HMGXB3: variants seen among roughly 807,000 people sequenced by gnomAD.
HMGXB3 encodes HMG-box containing 3.
A neutral mutation model predicts 121.5 loss-of-function variants in HMGXB3; 45 were observed. That is an observed-to-expected ratio of 0.37 (90% CI 0.29 to 0.47). The LOEUF is 0.47. Among genes scored for constraint, HMGXB3 ranks in the 20% least tolerant of loss-of-function variants. HMGXB3 has a pLI of 0.99. For missense variants in HMGXB3, 1,376 were observed against 1,602.2 expected (o/e 0.86, Z 2.41); for synonymous variants, 590 against 624.1 (o/e 0.95, Z 0.81).
chr5:150,052,875 A>G lies in HMGXB3; in HGVS notation c.*683A>G, dbSNP rs1208505227. On this transcript the variant is annotated 3_prime_UTR_variant, in exon 20 of 20. Transcript: ENST00000502717. ...TCCCTGGCCACTGCTGCTGCAGCCA[A>G]TATCCTCTCTGGGCCTGGGACCCTC... 4 of 152,428 alleles carry G rather than the reference A, an allele frequency of 2.6e-5. No homozygotes were observed. The highest frequency in any genetic ancestry group is 2.1e-4 in the South Asian group (1 of 4,820). The allele number at this position is 152,428 out of a possible 1,614,324, so 9.4% of individuals were successfully genotyped here.
At chr5:150,010,029 A>G in intron 3 of HMGXB3, 82 bp from the exon 4 acceptor site, 2 of 1,317,742 alleles carry the variant, frequency 1.5e-6, no homozygotes, top group South Asian at 3.0e-5. Flanking sequence ...ACTTACACAT[A>G]TATATATATC....
At chr5:150,030,598 C>A in intron 9 of HMGXB3, 143 bp from the exon 10 acceptor site, 1 of 630,870 alleles carries the variant, frequency 1.6e-6, no homozygotes, top group Non-Finnish European at 2.8e-6. Context: ...CTTGTGACTG[C>A]CAACTGGCAG....
In HMGXB3 at chr5:150,052,558, G is replaced by C. The variant is rs1245648252; in HGVS notation, c.*366G>C. 4.3e-6 allele frequency: 1 copy of C among 232,590 alleles called. No homozygotes were observed. Among genetic ancestry groups the C allele is most frequent in the Non-Finnish European group, 8.5e-6 (1 of 117,962 alleles). The allele number at this position is 232,590 out of a possible 1,614,324, so 14.4% of individuals were successfully genotyped here. A position where few individuals can be genotyped will look rare whatever the true frequency, so the allele number is the denominator to read the frequency against. Reference sequence around the variant, plus strand: ...GGCTAAGGCGTGAGCCCCAGCACTAGGTGGGAAGGCTGCTGAGGTCTCTCC... The same window carrying C: ...GGCTAAGGCGTGAGCCCCAGCACTACGTGGGAAGGCTGCTGAGGTCTCTCC... On this transcript the variant is annotated 3_prime_UTR_variant, in exon 20 of 20. Coordinates refer to ENST00000502717, the MANE Select transcript of HMGXB3 (RefSeq NM_014983.3).
chr5:150,032,790 A>G (rs1251855825), intron 11 of HMGXB3, among the ~76,000 whole-genome samples, 187 bp downstream of exon 11: 2 of 152,170 alleles, frequency 1.3e-5, no homozygotes, highest in African/African-American at 2.4e-5. Flanking sequence ...CCCCATTGCC[A>G]GGGTGAAGGG....
chr5:150,039,588 T>G (rs1325588933), intron 13 of HMGXB3, among the ~76,000 whole-genome samples: 1 of 152,100 alleles, frequency 6.6e-6, no homozygotes, highest in African/African-American at 2.4e-5. Context: ...CCTTTATGGG[T>G]TTTTTTCTAT....
chr5:150,010,674 T>C (rs1276921881), intron 4 of HMGXB3, 66 bp downstream of exon 4: 2 of 1,423,654 alleles, frequency 1.4e-6, no homozygotes, highest in Non-Finnish European at 1.9e-6. Flanking sequence ...GCTAGCACCA[T>C]ACAGTGTGAT....
intron 9 of HMGXB3, 103 bp from the exon 10 acceptor site, chr5:150,030,638 A>G: frequency 1.2e-6 from 1 of 863,772 alleles, no homozygotes; most frequent in Non-Finnish European, 1.9e-6. Flanking sequence ...GAATAGCTCT[A>G]CAAATTCCCC....
intron 16 of HMGXB3, chr5:150,047,372 G>A (rs565211327): frequency 5.6e-5 from 26 of 466,684 alleles, no homozygotes; most frequent in Non-Finnish European, 7.7e-5. Flanking sequence ...ATTAAAAGCT[G>A]ACTTATTTTA....
At chr5:150,043,489 G>A (rs1756685869) in intron 15 of HMGXB3, among the ~76,000 whole-genome samples, 1 of 152,190 alleles carries the variant, frequency 6.6e-6, no homozygotes, top group Non-Finnish European at 1.5e-5. Context: ...AACAGCTTTG[G>A]TGTATTCTGG....
At chr5:150,010,035 A>G (rs752410013) in intron 3 of HMGXB3, 76 bp from the exon 4 acceptor site, 19 of 1,398,184 alleles carry the variant, frequency 1.4e-5, no homozygotes, top group Non-Finnish European at 1.6e-5. Context: ...ACATATATAT[A>G]TATCTTTCTC....
chr5:150,010,740 T>A, intron 4 of HMGXB3, 132 bp downstream of exon 4: 1 of 892,450 alleles, frequency 1.1e-6, no homozygotes, highest in Non-Finnish European at 1.7e-6. Context: ...ACTGCAGTTC[T>A]CTTGAATGTG....
intron 10 of HMGXB3, among the ~76,000 whole-genome samples, chr5:150,032,006 C>T (rs1162981327): frequency 6.6e-6 from 1 of 151,904 alleles, no homozygotes; most frequent in Non-Finnish European, 1.5e-5. Context: ...TGAGTAGACC[C>T]TCTCTTCTGC....
In HMGXB3 at chr5:150,000,930, G is replaced by A. The variant is rs4705403; in HGVS notation, c.-252G>A. On this transcript the variant is annotated 5_prime_UTR_variant, in exon 1 of 20. Transcript: ENST00000502717. ...CAGGACCCCATATCGCGACTCCGAGGAGGGGAAGCGAGAGGGGCTGTCGCG... is the reference window on the plus strand; with the variant it reads ...CAGGACCCCATATCGCGACTCCGAGAAGGGGAAGCGAGAGGGGCTGTCGCG... The A allele has an allele frequency of 0.12, 18,431 of 154,684 alleles. 1,341 individuals are homozygous for A. Among genetic ancestry groups the A allele is most frequent in the Admixed American group, 0.26 (3,968 of 15,288 alleles). 9.6% of individuals were successfully genotyped at this position (154,684 alleles called of 1,614,324 possible).
chr5:150,022,817 CTTTTTT>C (rs11388244), intron 6 of HMGXB3, among the ~76,000 whole-genome samples: 1,669 of 119,920 alleles, frequency 0.014, 17 homozygotes, highest in Non-Finnish European at 0.02. Flanking sequence ...GTTACTGGCT[CTTTTTT>C]TTTTTTTTTT....
chr5:150,024,379 T>A lies in HMGXB3; in HGVS notation c.1159T>A (p.Ser387Thr). The A allele has an allele frequency of 6.4e-7, 1 of 1,551,666 alleles. No individual in the cohort carries two copies. The highest frequency in any genetic ancestry group is 1.7e-4 in the Middle Eastern group (1 of 5,992). Residue 387 changes from serine to threonine, a missense_variant, in exon 7 of 20, where the codon TCC becomes ACC. Transcript: ENST00000502717. The part of the protein sequence containing the change: ...TEQNSSKENA[S>T]KLTLENSEAV... ...GCAAAATTCCTCTAAGGAAAATGCC[T>A]CCAAACTGACTCTGGAGAATTCGGA... is the stretch of plus-strand genomic sequence containing the variant.
rs1161924750 is a variant in HMGXB3, at chr5:150,006,464, C to T, written c.138-9C>T. ...CTGGGAAAGCCTGAAGAAGTCATTG[C>T]TTCCTCAGGTCTGCTTACCTTCTGT... On this transcript the variant is annotated splice_polypyrimidine_tract_variant and intron_variant, in intron 2 of 19. Transcript: ENST00000502717. 6.5e-7 allele frequency: 1 copy of T among 1,545,784 alleles called. No individual in the cohort carries two copies. The highest frequency in any genetic ancestry group is 2.4e-5 in the East Asian group (1 of 40,866).
In HMGXB3 at chr5:150,026,847, A is replaced by G; in HGVS notation, c.1602A>G (p.Gly534=). 2.0e-6 allele frequency: 3 copies of G among 1,533,468 alleles called. No individual in the cohort carries two copies. Among genetic ancestry groups the G allele is most frequent in the Non-Finnish European group, 2.6e-6 (3 of 1,138,726 alleles). The allele number at this position is 1,533,468 out of a possible 1,614,324, so 95.0% of individuals were successfully genotyped here. The change falls in exon 8 of 20, where the codon GGA becomes GGG. Residue 534 remains glycine (G), a synonymous_variant. Coordinates refer to ENST00000502717, the MANE Select transcript of HMGXB3 (RefSeq NM_014983.3). ...PVNVGRGSSM[G]LPRARQAFSL... Reference sequence around the variant, plus strand: ...ACGTGGGGCGAGGCAGCAGCATGGGACTGCCCAGGGCCAGGCAGGCCTTTT... The same window carrying G: ...ACGTGGGGCGAGGCAGCAGCATGGGGCTGCCCAGGGCCAGGCAGGCCTTTT...
At chr5:150,035,494 A>G (rs1756480881) in intron 11 of HMGXB3, among the ~76,000 whole-genome samples, 1 of 152,154 alleles carries the variant, frequency 6.6e-6, no homozygotes, top group Non-Finnish European at 1.5e-5. Context: ...AAACATCCAA[A>G]CTATAGCATT....
rs1215822869 is a variant in HMGXB3, at chr5:150,018,666, G to A, written c.1010G>A (p.Gly337Asp). 4.5e-6 allele frequency: 7 copies of A among 1,550,516 alleles called. No individual in the cohort carries two copies. The highest frequency in any genetic ancestry group is 6.1e-6 in the Non-Finnish European group (7 of 1,146,516). Reference sequence around the variant, plus strand: ...AAGCCACCTAAGTGCCCTACCTGTGGTAACTTCCTAGGAGGGAAGTGGATC... The same window carrying A: ...AAGCCACCTAAGTGCCCTACCTGTGATAACTTCCTAGGAGGGAAGTGGATC... ...RHKPPKCPTC[G>D]NFLGGKWIPK... Residue 337 changes from glycine (G) to aspartate (D), a missense_variant, in exon 6 of 20, where the codon GGT (glycine) becomes GAT (aspartate). Gly to Asp is a moderately conservative substitution (Grantham distance 94). This residue lies in a region of HMGXB3 where 1,116 missense variants were observed against 1,369.0 expected (regional missense o/e 0.82). Transcript: ENST00000502717.
Sources: allele counts gnomAD v4.1 joint callset (sites outside exome capture counted in the v4.1 genomes callset), GRCh38; gene constraint gnomAD v4.1.1; regional missense constraint gnomAD v4.1.1; transcripts MANE v1.5; gene names NCBI Gene and HGNC (gene_info 2026-07-23, HGNC 2026-07-21).